Variants in ELMO1 observed in about 807,000 individuals in gnomAD.
ELMO1 encodes the protein engulfment and cell motility protein 1.
ELMO1 carries 26 observed loss-of-function variants against 98.9 expected under a neutral mutation model. The observed-to-expected ratio is 0.26, with a 90% confidence interval of 0.19 to 0.36. ELMO1 has a LOEUF of 0.36. Ranked by LOEUF, ELMO1 falls within the 10% of genes least tolerant of loss-of-function variation. The pLI is 1.00. For missense variants in ELMO1, 627 were observed against 935.2 expected (o/e 0.67, Z 4.30); for synonymous variants, 346 against 346.0 (o/e 1.00, Z 0.00).
intron 1 of ELMO1, among the ~76,000 whole-genome samples, chr7:37,389,160 G>C (rs973756787): frequency 4.6e-5 from 7 of 152,032 alleles, no homozygotes; most frequent in African/African-American, 7.2e-5. Context: ...AATTAGAGAG[G>C]GCTAATTTGT....
chr7:37,034,940 A>AG (rs1264582656), intron 15 of ELMO1, among the ~76,000 whole-genome samples: 2 of 152,192 alleles, frequency 1.3e-5, no homozygotes, highest in Admixed American at 6.5e-5. Flanking sequence ...TCCTTCCTTC[A>AG]GGGGTTGGAA....
intron 15 of ELMO1, among the ~76,000 whole-genome samples, chr7:37,094,970 G>A (rs1011697984): frequency 6.6e-6 from 1 of 152,206 alleles, no homozygotes; most frequent in Non-Finnish European, 1.5e-5. Flanking sequence ...ACAGACATAT[G>A]TCCCTTGGGC....
At chr7:37,294,005 C>T (rs1369253357) in intron 4 of ELMO1, among the ~76,000 whole-genome samples, 4 of 152,020 alleles carry the variant, frequency 2.6e-5, no homozygotes, top group African/African-American at 9.7e-5. Flanking sequence ...CCTTTTGACA[C>T]CATAAAACTT....
chr7:37,384,048 C>A (rs963654393), intron 1 of ELMO1, among the ~76,000 whole-genome samples: 1 of 152,170 alleles, frequency 6.6e-6, no homozygotes, highest in Admixed American at 6.5e-5. Flanking sequence ...ATCTCCTGAC[C>A]TCGTGATCCA....
chr7:36,967,826 G>A (rs2129128813), intron 16 of ELMO1, among the ~76,000 whole-genome samples: 1 of 152,344 alleles, frequency 6.6e-6, no homozygotes, highest in East Asian at 1.9e-4. Context: ...GCCCCTTTCA[G>A]GGAAATGGAA....
chr7:37,071,004 G>T (rs7793733), intron 15 of ELMO1, among the ~76,000 whole-genome samples: 16,542 of 152,124 alleles, frequency 0.11, 1,000 homozygotes, highest in Middle Eastern at 0.2. Context: ...AGAACTACTA[G>T]TCAAAGAGGC....
chr7:36,981,072 A>G (rs1408455947), intron 16 of ELMO1, among the ~76,000 whole-genome samples: 1 of 150,894 alleles, frequency 6.6e-6, no homozygotes, highest in East Asian at 2.0e-4. Context: ...ATTTAATCAC[A>G]TGGATTTTTT....
At chr7:37,309,377 T>C (rs1798781231) in intron 4 of ELMO1, among the ~76,000 whole-genome samples, 1 of 152,194 alleles carries the variant, frequency 6.6e-6, no homozygotes, top group African/African-American at 2.4e-5. Context: ...GTGGGAATTA[T>C]GAGAGCTACA....
At chr7:37,344,188 C>T (rs1170690811) in intron 1 of ELMO1, among the ~76,000 whole-genome samples, 1 of 152,114 alleles carries the variant, frequency 6.6e-6, no homozygotes, top group African/African-American at 2.4e-5. Flanking sequence ...CACACCACCA[C>T]ATCCGGCTAA....
At chr7:37,232,080 T>C (rs574784991) in intron 8 of ELMO1, among the ~76,000 whole-genome samples, 5 of 152,180 alleles carry the variant, frequency 3.3e-5, no homozygotes, top group Non-Finnish European at 7.3e-5. Context: ...CTTGAACTCC[T>C]GACCTCAAAT....
chr7:37,019,406 C>T (rs900560703), intron 15 of ELMO1, among the ~76,000 whole-genome samples: 1 of 152,240 alleles, frequency 6.6e-6, no homozygotes, highest in Non-Finnish European at 1.5e-5. Flanking sequence ...CAAACTTCAT[C>T]ATTTCGCTGT....
At chr7:37,170,836 GCCT>G (rs939001078) in intron 13 of ELMO1, among the ~76,000 whole-genome samples, 2 of 151,958 alleles carry the variant, frequency 1.3e-5, no homozygotes, top group African/African-American at 4.8e-5. Flanking sequence ...CAAACTCATG[GCCT>G]CAAGTGATCT....
intron 16 of ELMO1, among the ~76,000 whole-genome samples, chr7:36,916,425 T>C (rs998212844): frequency 1.3e-5 from 2 of 152,272 alleles, no homozygotes; most frequent in Non-Finnish European, 2.9e-5. Flanking sequence ...GAGATATGCC[T>C]ACCTTATCAG....
Position 37,135,566 on chromosome 7 carries a change from T to C in ELMO1, c.1087-2332A>G, listed in dbSNP as rs79033703. Among the ~76,000 whole-genome samples the C allele has an allele frequency of 5.9e-3, 902 of 152,266 alleles. 10 individuals are homozygous for C. The highest frequency in any genetic ancestry group is 0.021 in the African/African-American group (866 of 41,546). On this transcript the variant is annotated intron_variant, in intron 13 of 21. Transcript: ENST00000310758. ...TCATATCACAGGACTCTGCAGACAC[T>C]TGCCAGTACCAGCATGGAGCTGGGT...
In ELMO1 at chr7:37,030,283, T is replaced by C. The variant is rs559279116; in HGVS notation, c.1301-16848A>G. 2.6e-5 allele frequency among the ~76,000 whole-genome samples: 4 copies of C among 152,356 alleles called. No individual in the cohort carries two copies. The South Asian group carries it at 8.3e-4, about 32-fold the overall frequency. Reference sequence around the variant, plus strand: ...GCAAGTTGATACTCTCAGGCATTTTTGTTCCTATTCCTCACAGATATTTTA... The same window carrying C: ...GCAAGTTGATACTCTCAGGCATTTTCGTTCCTATTCCTCACAGATATTTTA... On this transcript the variant is annotated intron_variant, in intron 15 of 21. Transcript: ENST00000310758.
rs1209132363 is a variant in ELMO1, at chr7:36,870,133, G to T, written c.1905+260C>A. On this transcript the variant is annotated intron_variant, in intron 20 of 21. Coordinates refer to ENST00000310758, the MANE Select transcript of ELMO1 (RefSeq NM_014800.11). This position sits in a 1 kb window ranked among gnomAD's most constrained non-coding sequence, Gnocchi z 4.4. Reference sequence around the variant, plus strand: ...AGAGAGGACAAAGTGACAATAGTGAGGGCAATTCTTAGGGTTGGAAGTAGG... The same window carrying T: ...AGAGAGGACAAAGTGACAATAGTGATGGCAATTCTTAGGGTTGGAAGTAGG... Among the ~76,000 whole-genome samples the T allele has an allele frequency of 3.3e-5, 5 of 152,128 alleles. No homozygotes were observed. The highest frequency in any genetic ancestry group is 7.4e-5 in the Non-Finnish European group (5 of 68,022).
intron 15 of ELMO1, among the ~76,000 whole-genome samples, chr7:37,068,839 C>T (rs771133185): frequency 1.1e-4 from 16 of 152,014 alleles, no homozygotes; most frequent in Admixed American, 2.0e-4. Flanking sequence ...GTAATGAGCC[C>T]GACTCCTAGG....
intron 13 of ELMO1, among the ~76,000 whole-genome samples, chr7:37,155,503 A>AAAAAAAAAAAAAAAAAAT (rs61189239): frequency 9.9e-5 from 13 of 131,758 alleles, no homozygotes; most frequent in Non-Finnish European, 1.6e-4. Context: ...AAAAAAAAAA[A>AAAAAAAAAAAAAAAAAAT]AAAAAGCAGG....
At chr7:36,895,324 A>G (rs17392096) in intron 16 of ELMO1, among the ~76,000 whole-genome samples, 16,609 of 152,230 alleles carry the variant, frequency 0.11, 1,181 homozygotes, top group Middle Eastern at 0.17. Flanking sequence ...TCAACACTGT[A>G]AACAATGCTA....
Sources: allele counts gnomAD v4.1 joint callset (sites outside exome capture counted in the v4.1 genomes callset), GRCh38; gene constraint gnomAD v4.1.1; non-coding constraint Gnocchi (gnomAD v3.1); transcripts MANE v1.5; gene names NCBI Gene and HGNC (gene_info 2026-07-23, HGNC 2026-07-21).